Variants in FXYD4 observed in about 807,000 individuals in gnomAD.
FXYD4 encodes the protein FXYD domain-containing ion transport regulator 4.
In FXYD4, 14 loss-of-function variants were observed where a neutral mutation model predicts 18.3. The observed-to-expected ratio is 0.77, with a 90% CI of 0.51 to 1.20. FXYD4 has a LOEUF of 1.20. Ranked by LOEUF, FXYD4 falls within the 50% of genes most tolerant of loss-of-function variation. The pLI is 0.00. For missense variants in FXYD4, 99 were observed against 106.1 expected, an observed-to-expected ratio of 0.93 and a Z score of 0.29; for synonymous variants, 40 against 40.5, an observed-to-expected ratio of 0.99 and a Z score of 0.04.
intron 1 of FXYD4, among the ~76,000 whole-genome samples, chr10:43,372,392 C>G (rs1009041330): frequency 1.3e-5 from 2 of 152,174 alleles, no homozygotes; most frequent in African/African-American, 4.8e-5. Flanking sequence ...TTAAGTGATT[C>G]TCCTGCCTCA....
Position 43,373,767 on chromosome 10 carries a change from C to G in FXYD4, c.21C>G (p.Ala7=), listed in dbSNP as rs780073721. The G allele has an allele frequency of 1.9e-6, 3 of 1,609,926 alleles. No homozygotes were observed. The highest frequency in any genetic ancestry group is 2.6e-6 in the Non-Finnish European group (3 of 1,176,186). MERVTL[A]LLLLAGLTAL... ...GTGACATGGAGAGAGTGACCCTGGC[C>G]CTTCTCCTACTGGCAGGTGAGTCCT... Residue 7 remains alanine (A), a synonymous_variant, in exon 3 of 9, where the codon GCC becomes GCG. Coordinates refer to ENST00000476166, the MANE Select transcript of FXYD4 (RefSeq NM_173160.3).
At chr10:43,375,919 T>A in intron 7 of FXYD4, 113 bp from the exon 8 acceptor site, 2 of 1,281,654 alleles carry the variant, frequency 1.6e-6, no homozygotes, top group Non-Finnish European at 2.3e-6. Context: ...GAAGTGACCA[T>A]GGAAGGAGAG....
Position 43,372,723 on chromosome 10 carries a change from A to G in FXYD4, c.-278-4A>G, listed in dbSNP as rs1405952366. The G allele has an allele frequency of 1.3e-5, 2 of 152,178 alleles. No individual in the cohort carries two copies. The highest frequency in any genetic ancestry group is 2.9e-5 in the Non-Finnish European group (2 of 68,026). 9.4% of individuals were successfully genotyped at this position (152,178 alleles called of 1,614,324 possible). A position where few individuals can be genotyped will look rare whatever the true frequency, so the allele number is the denominator to read the frequency against. On this transcript the variant is annotated splice_polypyrimidine_tract_variant and splice_region_variant and intron_variant, in intron 1 of 8. Coordinates refer to ENST00000476166, the MANE Select transcript of FXYD4 (RefSeq NM_173160.3). ...CTACTATTCTGATGATCCTCCTTTT[A>G]CAGGACACTGGTGAAGGAGCAGTGA...
intron 6 of FXYD4, 24 bp from the exon 7 acceptor site, chr10:43,375,671 C>A (rs756968887): frequency 5.6e-6 from 9 of 1,613,708 alleles, no homozygotes; most frequent in African/African-American, 1.3e-5. Flanking sequence ...CTGACCCTGG[C>A]GCTGACCCCT....
chr10:43,371,991 G>A (rs1191768207), intron 1 of FXYD4, among the ~76,000 whole-genome samples: 1 of 150,780 alleles, frequency 6.6e-6, no homozygotes, highest in Non-Finnish European at 1.5e-5. Context: ...GCTGCAGTGA[G>A]CCGAGATCAC....
rs1018932019 is a variant in FXYD4, at chr10:43,373,634, G to A, written c.-113G>A. 4.6e-5 allele frequency: 35 copies of A among 755,204 alleles called. No individual in the cohort carries two copies. The highest frequency in any genetic ancestry group is 2.0e-4 in the African/African-American group (12 of 58,870). 46.8% of individuals were successfully genotyped at this position (755,204 alleles called of 1,614,324 possible). On this transcript the variant is annotated 5_prime_UTR_variant, in exon 3 of 9. Transcript: ENST00000476166. ...TCACCATGGGGCTCTGCCTGCCCCC[G>A]CCCCTGCCTCCTCTCGCTGACCAAT...
Position 43,373,575 on chromosome 10 carries a change from A to G in FXYD4, c.-172A>G. On this transcript the variant is annotated 5_prime_UTR_variant, in exon 3 of 9. Coordinates refer to ENST00000476166, the MANE Select transcript of FXYD4 (RefSeq NM_173160.3). ...GTTACTTTCCCAAGATCTCCCCACA[A>G]GCAAGTGTATCCTTGGGGTTTGTAC... The G allele has an allele frequency of 3.1e-6, 2 of 635,036 alleles. No individual in the cohort carries two copies. Among genetic ancestry groups the G allele is most frequent in the South Asian group, 3.6e-5 (2 of 56,234 alleles). 39.3% of individuals were successfully genotyped at this position (635,036 alleles called of 1,614,324 possible).
intron 3 of FXYD4, among the ~76,000 whole-genome samples, chr10:43,374,130 CGAG>C (rs1330891098): frequency 6.6e-6 from 1 of 152,034 alleles, no homozygotes; most frequent in Non-Finnish European, 1.5e-5. Context: ...CCTGGGAGGT[CGAG>C]GTTGCAGTGA....
rs76580596 is a variant in FXYD4, at chr10:43,371,693, C to T, written c.-283C>T. ...AGGTGAGCCCTCGCCAAGGTGACCT[C>T]GCAGGTGAGCAGGCGTCCACTTTGG... On this transcript the variant is annotated 5_prime_UTR_variant, in exon 1 of 9. Transcript: ENST00000476166. The T allele has an allele frequency of 0.089, 13,536 of 152,160 alleles. 763 individuals carry two copies. Among genetic ancestry groups the T allele is most frequent in the Non-Finnish European group, 0.12 (8,069 of 68,042 alleles). The allele number at this position is 152,160 out of a possible 1,614,324, so 9.4% of individuals were successfully genotyped here. A position where few individuals can be genotyped will look rare whatever the true frequency, so the allele number is the denominator to read the frequency against.
At chr10:43,375,214 A>G (rs1406663885) in intron 5 of FXYD4, among the ~76,000 whole-genome samples, 1 of 151,446 alleles carries the variant, frequency 6.6e-6, no homozygotes, top group Non-Finnish European at 1.5e-5. Context: ...TTTAGTAGAG[A>G]TGGGGTTTCA....
chr10:43,373,141 C>T (rs1787617034), intron 2 of FXYD4, among the ~76,000 whole-genome samples: 1 of 152,196 alleles, frequency 6.6e-6, no homozygotes. Context: ...CTCCTCCACA[C>T]CCTTGCTTTT....
chr10:43,374,893 C>A (rs1027142003), intron 5 of FXYD4, among the ~76,000 whole-genome samples: 1 of 152,108 alleles, frequency 6.6e-6, no homozygotes, highest in Non-Finnish European at 1.5e-5. Flanking sequence ...CTTCACTCAC[C>A]CTCACCCTCC....
chr10:43,375,842 G>T, intron 7 of FXYD4, 108 bp downstream of exon 7: 1 of 1,314,390 alleles, frequency 7.6e-7, no homozygotes, highest in Non-Finnish European at 1.1e-6. Flanking sequence ...CTTGCAGCTG[G>T]CTTTGTTATT....
chr10:43,373,547 G>A lies in FXYD4; in HGVS notation c.-200G>A, dbSNP rs368208177. 8 of 595,452 alleles carry A rather than the reference G, an allele frequency of 1.3e-5. No individual in the cohort carries two copies. The highest frequency in any genetic ancestry group is 2.8e-5 in the East Asian group (1 of 36,298). 36.9% of individuals were successfully genotyped at this position (595,452 alleles called of 1,614,324 possible). A position where few individuals can be genotyped will look rare whatever the true frequency, so the allele number is the denominator to read the frequency against. On this transcript the variant is annotated 5_prime_UTR_variant, in exon 3 of 9. Coordinates refer to ENST00000476166, the MANE Select transcript of FXYD4 (RefSeq NM_173160.3). ...CCATCTCTAGATGGGAAGACAGAAA[G>A]TAGTTACTTTCCCAAGATCTCCCCA...
intron 7 of FXYD4, 53 bp from the exon 8 acceptor site, chr10:43,375,979 G>A (rs764186718): frequency 3.2e-6 from 5 of 1,586,282 alleles, no homozygotes; most frequent in Admixed American, 3.3e-5. Flanking sequence ...GGATATAGGG[G>A]AGAAGGTCCT....
chr10:43,374,324 G>A, intron 3 of FXYD4, 146 bp from the exon 4 acceptor site: 2 of 779,074 alleles, frequency 2.6e-6, no homozygotes, highest in Non-Finnish European at 2.3e-6. Context: ...ACACCCTGAG[G>A]CTGTGTGGGG....
At chr10:43,374,870 C>T (rs1360742490) in intron 5 of FXYD4, among the ~76,000 whole-genome samples, 1 of 151,802 alleles carries the variant, frequency 6.6e-6, no homozygotes, top group Non-Finnish European at 1.5e-5. Flanking sequence ...ATAAATCACC[C>T]CTACCCTCTT....
chr10:43,376,052 TC>T lies in FXYD4; in HGVS notation c.236del (p.Pro79HisfsTer24). 6.2e-7 allele frequency: 1 copy of T among 1,614,104 alleles called. No homozygotes were observed. The highest frequency in any genetic ancestry group is 8.5e-7 in the Non-Finnish European group (1 of 1,179,988). On this transcript the variant is annotated frameshift_variant, in exon 8 of 9. Transcript: ENST00000476166. LOFTEE classifies it high-confidence loss of function. Reference protein sequence around the residue: ...KQHSPVPEKAIPLITPGSATT... With the variant: ...KQHSPVPEKAXPLITPGSATT... ...TCTAGTCCTGTACCTGAGAAGGCCA[TC>T]CCACTCATCACTCCAGGTGAGACGG...
At position 43,372,339 on chromosome 10, in the gene FXYD4, C is replaced by T. The variant is rs983917327; in HGVS notation, c.-278-388C>T. ...TCCCTCTGTTGCCCAGGCTGGAGTG[C>T]AGTGCCAGGATCTCGGCTCACTGCA... On this transcript the variant is annotated intron_variant, in intron 1 of 8. Transcript: ENST00000476166. 3.9e-5 allele frequency among the ~76,000 whole-genome samples: 6 copies of T among 152,256 alleles called. No homozygotes were observed. The East Asian group carries it at 1.2e-3, about 29-fold the overall frequency.
Sources: allele counts gnomAD v4.1 joint callset (sites outside exome capture counted in the v4.1 genomes callset), GRCh38; gene constraint gnomAD v4.1.1; transcripts MANE v1.5; gene names NCBI Gene and HGNC (gene_info 2026-07-23, HGNC 2026-07-21).